KLC1: variants seen among roughly 807,000 people sequenced by gnomAD.
KLC1 encodes kinesin 2 60/70kDa.
Under a neutral mutation model 84.2 loss-of-function variants are expected in KLC1, and 30 were observed. That is an observed-to-expected ratio of 0.36 (90% CI 0.27 to 0.48). The LOEUF (loss-of-function observed/expected upper bound fraction) is 0.48, where lower values mean the gene tolerates loss of function less well. Among genes scored for constraint, KLC1 ranks in the 20% least tolerant of loss-of-function variants. KLC1 has a pLI of 0.99. For synonymous variants in KLC1, 289 were observed against 293.3 expected (o/e 0.99, Z 0.15); for missense variants, 499 against 805.4 (o/e 0.62, Z 4.60).
intron 11 of KLC1, among the ~76,000 whole-genome samples, chr14:103,676,892 C>T (rs1399715709): frequency 6.6e-6 from 1 of 152,138 alleles, no homozygotes; most frequent in African/African-American, 2.4e-5. Flanking sequence ...GAAACACAGC[C>T]GTCCTCTCGG....
rs556224586 is a variant in KLC1, at chr14:103,659,232, T to C, written c.492+1456T>C. On this transcript the variant is annotated intron_variant, in intron 3 of 16. Coordinates refer to ENST00000334553, the MANE Select transcript of KLC1 (RefSeq NM_001394837.1). ...CCCCCGCCTCGGCCTCCCAAAGTGCTGGGATTACAGGCGTGAGCCACCACG... is the reference window on the plus strand; with the variant it reads ...CCCCCGCCTCGGCCTCCCAAAGTGCCGGGATTACAGGCGTGAGCCACCACG... 1.1e-4 allele frequency among the ~76,000 whole-genome samples: 16 copies of C among 152,364 alleles called. No individual in the cohort carries two copies. The East Asian group carries it at 2.9e-3, about 28-fold the overall frequency.
intron 16 of KLC1, 89 bp from the exon 17 acceptor site, chr14:103,701,112 G>A (rs1451114421): frequency 1.3e-6 from 2 of 1,488,272 alleles, no homozygotes; most frequent in African/African-American, 1.4e-5. Flanking sequence ...TTGGGGTGGG[G>A]GTTCCCCAGA....
At chr14:103,657,904 T>G (rs2078944222) in intron 3 of KLC1, 128 bp downstream of exon 3, 1 of 733,820 alleles carries the variant, frequency 1.4e-6, no homozygotes, top group Non-Finnish European at 2.3e-6. Flanking sequence ...TGCAAAAATG[T>G]TTTGTAAATA....
chr14:103,659,345 CCTCCT>C (rs1248699651), intron 3 of KLC1, among the ~76,000 whole-genome samples: 2 of 151,536 alleles, frequency 1.3e-5, no homozygotes, highest in Non-Finnish European at 3.0e-5. Flanking sequence ...AAAATTTTAC[CCTCCT>C]CTCAAGTTTC....
intron 3 of KLC1, among the ~76,000 whole-genome samples, chr14:103,659,974 T>TAATCCCATCATGAGGGCCCC (rs2079144313): frequency 6.6e-6 from 1 of 152,130 alleles, no homozygotes; most frequent in African/African-American, 2.4e-5. Context: ...ATGAGGGCAC[T>TAATCCCATCATGAGGGCCCC]AATCCCATCA....
Position 103,677,399 on chromosome 14 carries a change from A to T in KLC1, c.1380-16A>T, listed in dbSNP as rs1178218067. ...CTTATATGTCATAGTTCTGTATGTC[A>T]TGTGCTTTCTTACAGTCCAACTGTT... On this transcript the variant is annotated splice_polypyrimidine_tract_variant and intron_variant, in intron 11 of 16. Coordinates refer to ENST00000334553, the MANE Select transcript of KLC1 (RefSeq NM_001394837.1). 7 of 1,478,140 alleles carry T rather than the reference A, an allele frequency of 4.7e-6. No individual in the cohort carries two copies. The highest frequency in any genetic ancestry group is 6.6e-6 in the Non-Finnish European group (7 of 1,056,004). The allele number at this position is 1,478,140 out of a possible 1,614,324, so 91.6% of individuals were successfully genotyped here. A position where few individuals can be genotyped will look rare whatever the true frequency, so the allele number is the denominator to read the frequency against.
At chr14:103,662,052 A>G in intron 3 of KLC1, 64 bp from the exon 4 acceptor site, 1 of 1,089,632 alleles carries the variant, frequency 9.2e-7, no homozygotes, top group East Asian at 2.4e-5. Context: ...AATATTAAAA[A>G]TTTTCAGGAC....
At position 103,679,295 on chromosome 14, in the gene KLC1, T is replaced by G. The variant is rs572754134; in HGVS notation, c.1489-89T>G. The G allele has an allele frequency of 2.8e-5, 42 of 1,477,854 alleles. No homozygotes were observed. The East Asian group carries it at 7.3e-4, about 26-fold the overall frequency. 91.5% of individuals were successfully genotyped at this position (1,477,854 alleles called of 1,614,324 possible). On this transcript the variant is annotated intron_variant, in intron 12 of 16. Transcript: ENST00000334553. ...CTCCAGTGATTAAGAACTGTTTTTTTTTTTTTTTTCTAGCGAAGTATCTCA... is the reference window on the plus strand; with the variant it reads ...CTCCAGTGATTAAGAACTGTTTTTTGTTTTTTTTTCTAGCGAAGTATCTCA...
At chr14:103,675,401 A>G (rs1271286568) in intron 9 of KLC1, 151 bp from the exon 10 acceptor site, 11 of 614,626 alleles carry the variant, frequency 1.8e-5, no homozygotes, top group Non-Finnish European at 3.2e-5. Flanking sequence ...TTTATAGTAC[A>G]GGTTAAATAT....
chr14:103,634,558 G>T (rs964393427), intron 1 of KLC1, among the ~76,000 whole-genome samples: 2 of 152,120 alleles, frequency 1.3e-5, no homozygotes, highest in African/African-American at 4.8e-5. Context: ...CGTTGAGCCA[G>T]TCGGGTGTGA....
In KLC1 at chr14:103,629,399, A is replaced by T. The variant is rs1018431678; in HGVS notation, c.-97A>T. ...TGCTGCGCCGTGCCTCACACAGCCGAGGCGGGCTCGGCGCACAGTCGCTGC... is the reference window on the plus strand; with the variant it reads ...TGCTGCGCCGTGCCTCACACAGCCGTGGCGGGCTCGGCGCACAGTCGCTGC... On this transcript the variant is annotated 5_prime_UTR_variant, in exon 1 of 17. Transcript: ENST00000334553. 1.3e-5 allele frequency: 2 copies of T among 152,036 alleles called. No homozygotes were observed. Among genetic ancestry groups the T allele is most frequent in the African/African-American group, 4.8e-5 (2 of 41,396 alleles). The allele number at this position is 152,036 out of a possible 1,614,324, so 9.4% of individuals were successfully genotyped here.
chr14:103,637,865 G>GT (rs1407703184), intron 1 of KLC1, among the ~76,000 whole-genome samples: 2 of 152,052 alleles, frequency 1.3e-5, no homozygotes, highest in East Asian at 1.9e-4. Context: ...TGACCGGCTT[G>GT]TTTTTTGTAG....
Position 103,668,521 on chromosome 14 carries a change from A to G in KLC1, c.798-990A>G, listed in dbSNP as rs566604171. Among the ~76,000 whole-genome samples the G allele has an allele frequency of 9.9e-5, 15 of 151,750 alleles. No individual in the cohort carries two copies. In the South Asian group the frequency reaches 1.7e-3, roughly 17 times the overall value. On this transcript the variant is annotated intron_variant, in intron 5 of 16. Coordinates refer to ENST00000334553, the MANE Select transcript of KLC1 (RefSeq NM_001394837.1). The stretch of plus-strand genomic sequence containing the variant: ...GAGACGGAGTCTTGCTCTGTCACCC[A>G]GGCTTTAGTGCAGTGGCGCGATCTA...
chr14:103,635,088 G>C (rs2076952417), intron 1 of KLC1, among the ~76,000 whole-genome samples: 1 of 152,134 alleles, frequency 6.6e-6, no homozygotes, highest in South Asian at 2.1e-4. Context: ...TATGCTTTTT[G>C]AATTTGAAAA....
intron 16 of KLC1, among the ~76,000 whole-genome samples, chr14:103,700,964 C>T (rs1232232297): frequency 6.6e-6 from 1 of 152,216 alleles, no homozygotes; most frequent in Non-Finnish European, 1.5e-5. Flanking sequence ...GGCTCTGTGT[C>T]CACACCCCTG....
intron 9 of KLC1, among the ~76,000 whole-genome samples, chr14:103,674,706 C>T (rs555240720): frequency 1.3e-4 from 20 of 152,214 alleles, no homozygotes; most frequent in Non-Finnish European, 2.2e-4. Context: ...TGAGCCACTG[C>T]ACCCGGCCTT....
chr14:103,667,122 T>C (rs775784567), intron 5 of KLC1, among the ~76,000 whole-genome samples: 113 of 151,506 alleles, frequency 7.5e-4, no homozygotes, highest in Non-Finnish European at 1.4e-3. Context: ...TTTTATTTTA[T>C]TTTTTTTACA....
intron 11 of KLC1, among the ~76,000 whole-genome samples, chr14:103,676,298 C>T (rs1213017535): frequency 4.0e-5 from 6 of 151,820 alleles, no homozygotes; most frequent in Non-Finnish European, 7.4e-5. Context: ...GATGGAGTTT[C>T]GCTCTTGTCT....
intron 14 of KLC1, among the ~76,000 whole-genome samples, chr14:103,691,144 G>C (rs1595571634): frequency 6.9e-6 from 1 of 144,410 alleles, no homozygotes; most frequent in East Asian, 2.1e-4. Context: ...GCTCCCAGAT[G>C]GTTCCCCCCA....
Sources: gnomAD v4.1 joint callset for allele counts (sites outside exome capture counted in the v4.1 genomes callset) on GRCh38, gnomAD v4.1.1 for gene constraint, MANE v1.5 for transcripts, NCBI Gene and HGNC (gene_info 2026-07-23, HGNC 2026-07-21) for gene names.